The following CFAP44 variants were observed in gnomAD, a reference collection of about 807,000 sequenced individuals.
CFAP44 encodes cilia and flagella associated protein 44, also known as cilia- and flagella-associated protein 44.
CFAP44 carries 134 observed loss-of-function variants against 216.2 expected under a neutral mutation model. That is an observed-to-expected ratio of 0.62 (90% CI 0.54 to 0.72). The LOEUF (loss-of-function observed/expected upper bound fraction) is 0.72. Ranked by LOEUF, CFAP44 falls within the 30% of genes least tolerant of loss-of-function variation. CFAP44 has a pLI of 0.00. For synonymous variants in CFAP44, 700 were observed against 727.6 expected, an observed-to-expected ratio of 0.96 and a Z score of 0.61; for missense variants, 2,035 against 2,182.1, an observed-to-expected ratio of 0.93 and a Z score of 1.34.
chr3:113,308,052 T>C (rs372599964), intron 29 of CFAP44, 106 bp downstream of exon 29: 10 of 759,590 alleles, frequency 1.3e-5, no homozygotes, highest in Admixed American at 3.1e-5. Context: ...TTTTGAACTA[T>C]CCTTTTTTTG....
rs889973660 is a variant in CFAP44 at position 113,398,214 on chromosome 3, G to A, written c.1570-1487C>T. On this transcript the variant is annotated intron_variant, in intron 13 of 34. Transcript: ENST00000393845. ...ACCATGAAAAACAGTCTAGTGGGAA[G>A]ACAATAAAGCACATAATCTTAGTAT... Among the ~76,000 whole-genome samples, 4 of 152,280 alleles carry A rather than the reference G, an allele frequency of 2.6e-5. No individual in the cohort carries two copies. In the East Asian group the frequency reaches 7.7e-4, roughly 29 times the overall value.
At chr3:113,425,437 C>T (rs888050240) in intron 4 of CFAP44, among the ~76,000 whole-genome samples, 2 of 152,206 alleles carry the variant, frequency 1.3e-5, no homozygotes, top group Non-Finnish European at 2.9e-5. Flanking sequence ...ACAAAATCCC[C>T]TTGTCAATCA....
intron 28 of CFAP44, among the ~76,000 whole-genome samples, chr3:113,311,634 C>A (rs1950039185): frequency 6.6e-6 from 1 of 152,010 alleles, no homozygotes; most frequent in African/African-American, 2.4e-5. Context: ...TAAATTGGAA[C>A]CAGTAGAGTG....
chr3:113,303,891 C>G (rs1559905208), intron 32 of CFAP44, 25 bp downstream of exon 32: 3 of 1,536,110 alleles, frequency 2.0e-6, no homozygotes, highest in Non-Finnish European at 2.6e-6. Context: ...ACCTTACTAG[C>G]AAGGCTGTGG....
intron 19 of CFAP44, 66 bp downstream of exon 19, chr3:113,365,973 A>G: frequency 6.0e-6 from 9 of 1,493,722 alleles, no homozygotes; most frequent in Middle Eastern, 1.9e-4. Context: ...ACGAATATGA[A>G]CAATTTTAAT....
chr3:113,416,388 A>T (rs1374925173), intron 6 of CFAP44, 137 bp downstream of exon 6: 1 of 692,362 alleles, frequency 1.4e-6, no homozygotes, highest in South Asian at 1.7e-5. Context: ...GTTGTGTGTG[A>T]ATTTGAATAA....
intron 22 of CFAP44, among the ~76,000 whole-genome samples, chr3:113,348,522 C>G (rs1447529740): frequency 2.0e-5 from 3 of 152,174 alleles, no homozygotes; most frequent in African/African-American, 7.2e-5. Flanking sequence ...GAATACACAG[C>G]TATGCAAAGC....
chr3:113,412,131 C>T (rs1934496317), intron 6 of CFAP44, among the ~76,000 whole-genome samples: 2 of 152,146 alleles, frequency 1.3e-5, no homozygotes, highest in African/African-American at 4.8e-5. Flanking sequence ...TCTCACCACT[C>T]CTATTCAACA....
chr3:113,287,676 G>T lies in CFAP44; in HGVS notation c.*3881C>A, dbSNP rs985358790. 1 of 152,252 alleles carries T rather than the reference G, an allele frequency of 6.6e-6. No individual in the cohort carries two copies. Among genetic ancestry groups the T allele is most frequent in the Non-Finnish European group, 1.5e-5 (1 of 68,076 alleles). The allele number at this position is 152,252 out of a possible 1,614,324, so 9.4% of individuals were successfully genotyped here. A position where few individuals can be genotyped will look rare whatever the true frequency, so the allele number is the denominator to read the frequency against. ...CCGTTTAGTCCACAAGGGAACCGTT[G>T]TACAACAGACCAGGAAAAACAGGTT... On this transcript the variant is annotated 3_prime_UTR_variant, in exon 35 of 35. Transcript: ENST00000393845.
intron 28 of CFAP44, among the ~76,000 whole-genome samples, chr3:113,315,096 T>C (rs1430052702): frequency 6.6e-6 from 1 of 152,064 alleles, no homozygotes; most frequent in African/African-American, 2.4e-5. Context: ...ACAATTGTAT[T>C]AAATGTAAAT....
At chr3:113,364,592 G>T (rs951345191) in intron 19 of CFAP44, among the ~76,000 whole-genome samples, 6 of 152,064 alleles carry the variant, frequency 3.9e-5, no homozygotes, top group Non-Finnish European at 8.8e-5. Flanking sequence ...TCTAATATCA[G>T]TGTAACTTCT....
At chr3:113,331,540 T>A (rs1445110099) in intron 25 of CFAP44, among the ~76,000 whole-genome samples, 1 of 152,094 alleles carries the variant, frequency 6.6e-6, no homozygotes, top group African/African-American at 2.4e-5. Context: ...GAAAACTGTA[T>A]CAAGATAGAG....
chr3:113,392,393 C>T (rs953346940), intron 15 of CFAP44, among the ~76,000 whole-genome samples: 4 of 142,848 alleles, frequency 2.8e-5, no homozygotes, highest in Non-Finnish European at 4.5e-5. Context: ...TGGTCAACAG[C>T]AGCTTAGAAG....
intron 1 of CFAP44, among the ~76,000 whole-genome samples, chr3:113,437,302 C>T (rs1935260639): frequency 6.6e-6 from 1 of 152,128 alleles, no homozygotes; most frequent in Non-Finnish European, 1.5e-5. Context: ...TTTATTTTAA[C>T]ATACTATAAC....
chr3:113,335,308 A>C (rs888391712), intron 24 of CFAP44, among the ~76,000 whole-genome samples: 2 of 152,256 alleles, frequency 1.3e-5, no homozygotes, highest in Non-Finnish European at 2.9e-5. Flanking sequence ...GGAAATTACC[A>C]GCCTGTGGAG....
At chr3:113,328,696 T>TAAAAAAAA (rs58650082) in intron 26 of CFAP44, among the ~76,000 whole-genome samples, 7 of 28,562 alleles carry the variant, frequency 2.5e-4, no homozygotes, top group South Asian at 2.2e-3. Context: ...TTAGAGAGCT[T>TAAAAAAAA]AAAAAAAAAA....
rs73235097 is a variant in CFAP44 at position 113,378,301 on chromosome 3, A to G, written c.2298+1005T>C. Among the ~76,000 whole-genome samples the G allele has an allele frequency of 8.0e-3, 1,213 of 152,304 alleles. 12 individuals carry two copies. Among genetic ancestry groups the G allele is most frequent in the Non-Finnish European group, 0.011 (737 of 68,018 alleles). On this transcript the variant is annotated intron_variant, in intron 17 of 34. Transcript: ENST00000393845. ...TCCCTTTATCCTTTGAACTCCATAC[A>G]ATAGTAGCCATTTACAATTGTTTTA... is the stretch of plus-strand genomic sequence containing the variant.
rs1559952256 is a variant in CFAP44, at chr3:113,441,446, A to G, written c.-6+7T>C. On this transcript the variant is annotated splice_region_variant and intron_variant, in intron 1 of 34. Coordinates refer to ENST00000393845, the MANE Select transcript of CFAP44 (RefSeq NM_001164496.2). Reference sequence around the variant, plus strand: ...GGAAACTGCCGGCTGCTGAGGTCCAAACTCACCGAAGGTACTGACCGCCGC... The same window carrying G: ...GGAAACTGCCGGCTGCTGAGGTCCAGACTCACCGAAGGTACTGACCGCCGC... 1 of 985,492 alleles carries G rather than the reference A, an allele frequency of 1.0e-6. No individual in the cohort carries two copies. The highest frequency in any genetic ancestry group is 1.2e-6 in the Non-Finnish European group (1 of 830,182). The allele number at this position is 985,492 out of a possible 1,614,324, so 61.0% of individuals were successfully genotyped here.
intron 22 of CFAP44, among the ~76,000 whole-genome samples, chr3:113,345,136 A>G (rs544896011): frequency 3.2e-4 from 48 of 148,596 alleles, no homozygotes; most frequent in African/African-American, 1.1e-3. Flanking sequence ...AGATTATTAT[A>G]TAAAATGTAT....
Sources: gnomAD v4.1 joint callset for allele counts (sites outside exome capture counted in the v4.1 genomes callset) on GRCh38, gnomAD v4.1.1 for gene constraint, MANE v1.5 for transcripts, NCBI Gene and HGNC (gene_info 2026-07-23, HGNC 2026-07-21) for gene names.